Variants in BANK1 observed in about 807,000 individuals in gnomAD.
BANK1 encodes B cell scaffold protein with ankyrin repeats 1, also known as B-cell scaffold protein with ankyrin repeats.
A neutral mutation model predicts 94.5 loss-of-function variants in BANK1; 95 were observed. The ratio of observed to expected loss-of-function variants is 1.00; its 90% CI spans 0.85 to 1.19. The LOEUF is 1.19. Among genes scored for constraint, BANK1 ranks in the 50% most tolerant of loss-of-function variants. The pLI is 0.00. For missense variants in BANK1, 987 were observed against 932.2 expected (o/e 1.06, Z -0.77); for synonymous variants, 334 against 308.4 (o/e 1.08, Z -0.87).
chr4:101,950,060 T>TGCGCGCGC (rs1553935108), intron 7 of BANK1, among the ~76,000 whole-genome samples: 1 of 139,404 alleles, frequency 7.2e-6, no homozygotes, highest in African/African-American at 3.1e-5. Context: ...TGTGTGTGTG[T>TGCGCGCGC]GCGCGTGCGC....
chr4:101,927,207 G>A (rs537829054), intron 7 of BANK1, among the ~76,000 whole-genome samples: 9 of 151,772 alleles, frequency 5.9e-5, no homozygotes, highest in East Asian at 2.0e-4. Flanking sequence ...TTATATGGCC[G>A]CGGGTGAAAG....
chr4:101,906,535 G>C (rs1294392534), intron 6 of BANK1, among the ~76,000 whole-genome samples: 1 of 152,118 alleles, frequency 6.6e-6, no homozygotes, highest in East Asian at 1.9e-4. Flanking sequence ...TAATAAGGAG[G>C]GGGTGCAGAA....
At chr4:101,959,524 A>G (rs897721602) in intron 7 of BANK1, among the ~76,000 whole-genome samples, 1 of 152,246 alleles carries the variant, frequency 6.6e-6, no homozygotes, top group Non-Finnish European at 1.5e-5. Flanking sequence ...AAATTCAACT[A>G]TAGCATGAAA....
intron 1 of BANK1, among the ~76,000 whole-genome samples, chr4:101,813,308 A>C (rs562271320): frequency 6.6e-6 from 1 of 152,200 alleles, no homozygotes; most frequent in Non-Finnish European, 1.5e-5. Context: ...TCCTTAATAA[A>C]TAACATTTGA....
At chr4:101,801,878 A>G (rs570785126) in intron 1 of BANK1, among the ~76,000 whole-genome samples, 33 of 152,300 alleles carry the variant, frequency 2.2e-4, no homozygotes, top group African/African-American at 7.9e-4. Context: ...ACACTTTTTA[A>G]CACTCATTGT....
intron 7 of BANK1, among the ~76,000 whole-genome samples, chr4:101,988,035 A>G (rs920598423): frequency 2.0e-5 from 3 of 152,208 alleles, no homozygotes; most frequent in Non-Finnish European, 2.9e-5. Context: ...GGTGCACATC[A>G]CAGTGACACA....
At chr4:101,810,938 T>C (rs1041586315) in intron 1 of BANK1, among the ~76,000 whole-genome samples, 1 of 152,178 alleles carries the variant, frequency 6.6e-6, no homozygotes, top group Non-Finnish European at 1.5e-5. Flanking sequence ...TACGTATCAA[T>C]GATTGCTGGT....
At chr4:101,793,406 T>A (rs1725059795) in intron 1 of BANK1, among the ~76,000 whole-genome samples, 1 of 152,348 alleles carries the variant, frequency 6.6e-6, no homozygotes, top group South Asian at 2.1e-4. Flanking sequence ...AGGTCACTTT[T>A]GCTAGGATTT....
At chr4:101,812,078 G>A (rs1032426092) in intron 1 of BANK1, among the ~76,000 whole-genome samples, 1 of 151,898 alleles carries the variant, frequency 6.6e-6, no homozygotes, top group Non-Finnish European at 1.5e-5. Context: ...ACTTATGAAT[G>A]ATTATGGTAA....
intron 6 of BANK1, among the ~76,000 whole-genome samples, chr4:101,907,281 TAA>T (rs1376439660): frequency 6.6e-6 from 1 of 152,180 alleles, no homozygotes; most frequent in African/African-American, 2.4e-5. Flanking sequence ...ATCCAGCATA[TAA>T]ACAGAACCAA....
intron 6 of BANK1, among the ~76,000 whole-genome samples, chr4:101,910,042 C>G (rs1722609330): frequency 6.6e-6 from 1 of 152,072 alleles, no homozygotes; most frequent in Non-Finnish European, 1.5e-5. Context: ...CTTGTCTATC[C>G]ACTTTTTTTT....
At chr4:101,996,912 AC>A (rs773202097) in intron 7 of BANK1, among the ~76,000 whole-genome samples, 1 of 151,990 alleles carries the variant, frequency 6.6e-6, no homozygotes, top group Non-Finnish European at 1.5e-5. Context: ...CTATTTGAAT[AC>A]CCTTTTTTTC....
chr4:101,841,162 T>C (rs111726557), intron 2 of BANK1, among the ~76,000 whole-genome samples: 1 of 152,044 alleles, frequency 6.6e-6, no homozygotes. Flanking sequence ...AAGCTTTTTA[T>C]TTTTCTAATT....
At chr4:101,809,898 A>G (rs1040125182) in intron 1 of BANK1, among the ~76,000 whole-genome samples, 1 of 152,178 alleles carries the variant, frequency 6.6e-6, no homozygotes, top group African/African-American at 2.4e-5. Context: ...TAAGCCCCAG[A>G]CCTGTGAATA....
intron 7 of BANK1, among the ~76,000 whole-genome samples, chr4:101,936,293 G>GTATGCATACATGTATATGTA (rs1560641176): frequency 1.9e-4 from 28 of 149,490 alleles, no homozygotes; most frequent in Non-Finnish European, 3.9e-4. Flanking sequence ...ACACATATAT[G>GTATGCATACATGTATATGTA]CACACATACA....
intron 5 of BANK1, among the ~76,000 whole-genome samples, chr4:101,871,572 C>T (rs373597361): frequency 3.4e-4 from 52 of 152,094 alleles, no homozygotes; most frequent in African/African-American, 1.3e-3. Context: ...TTTAGAACAA[C>T]AGAAAAGGTA....
chr4:102,042,147 C>T lies in BANK1; in HGVS notation c.1901-1692C>T, dbSNP rs555309646. Reference sequence around the variant, plus strand: ...TATTGGCAAAAAAGCATAGAGACCACGTTATTAAAATTTTTAAAGCATTGC... The same window carrying T: ...TATTGGCAAAAAAGCATAGAGACCATGTTATTAAAATTTTTAAAGCATTGC... On this transcript the variant is annotated intron_variant, in intron 10 of 16. Transcript: ENST00000322953. Among the ~76,000 whole-genome samples, 15 of 151,960 alleles carry T rather than the reference C, an allele frequency of 9.9e-5. No homozygotes were observed. In the East Asian group the frequency reaches 1.5e-3, roughly 16 times the overall value.
chr4:101,975,800 T>C (rs1248958831), intron 7 of BANK1, among the ~76,000 whole-genome samples: 1 of 152,138 alleles, frequency 6.6e-6, no homozygotes, highest in Non-Finnish European at 1.5e-5. Context: ...ATGTGGCAAA[T>C]GATCAATCAC....
At chr4:102,015,850 C>T (rs1181084271) in intron 7 of BANK1, among the ~76,000 whole-genome samples, 2 of 152,194 alleles carry the variant, frequency 1.3e-5, no homozygotes, top group African/African-American at 2.4e-5. Flanking sequence ...CTCTTACCCA[C>T]TGTTACTAGA....
Sources: allele counts gnomAD v4.1 joint callset (sites outside exome capture counted in the v4.1 genomes callset), GRCh38; gene constraint gnomAD v4.1.1; transcripts MANE v1.5; gene names NCBI Gene and HGNC (gene_info 2026-07-23, HGNC 2026-07-21).